ZNF493: variants seen among roughly 807,000 people sequenced by gnomAD.
ZNF493 encodes zinc finger protein 493.
In ZNF493, 11 loss-of-function variants were observed where a neutral mutation model predicts 12.2. That is an observed-to-expected ratio of 0.90 (90% CI 0.57 to 1.50). ZNF493 has a LOEUF of 1.50. Ranked by LOEUF, ZNF493 falls within the 40% of genes most tolerant of loss-of-function variation. The pLI, the probability that ZNF493 is intolerant of heterozygous loss-of-function variation, is 0.00. For synonymous variants in ZNF493, 286 were observed against 302.6 expected, an observed-to-expected ratio of 0.95 and a Z score of 0.57; for missense variants, 950 against 906.6, an observed-to-expected ratio of 1.05 and a Z score of -0.61.
intron 3 of ZNF493, chr19:21,408,549 A>G (rs1474654220): frequency 3.0e-6 from 3 of 984,736 alleles, no homozygotes; most frequent in Non-Finnish European, 2.4e-6. Context: ...TGATGAGTAC[A>G]GTTACAGTCA....
chr19:21,408,558 C>T (rs548268652), intron 3 of ZNF493: 1 of 984,260 alleles, frequency 1.0e-6, no homozygotes, highest in Non-Finnish European at 1.2e-6. Flanking sequence ...CAGTTACAGT[C>T]AAATACTGTA....
At chr19:21,399,924 A>T (rs2029885794) in intron 1 of ZNF493, among the ~76,000 whole-genome samples, 1 of 152,174 alleles carries the variant, frequency 6.6e-6, no homozygotes, top group African/African-American at 2.4e-5. Context: ...TTGACAGTGA[A>T]TATCTCTGTT....
Position 21,424,542 on chromosome 19 carries a change from C to T in ZNF493, c.1883C>T (p.Pro628Leu), listed in dbSNP as rs1315380336. The part of the protein sequence containing the change: ...IHKKIHTGEK[P>L]YKCEECGKAF... Reference sequence around the variant, plus strand: ...AAGAAAATTCATACTGGAGAAAAACCCTACAAATGTGAAGAATGTGGCAAA... The same window carrying T: ...AAGAAAATTCATACTGGAGAAAAACTCTACAAATGTGAAGAATGTGGCAAA... The change falls in exon 4 of 4, where the codon CCC becomes CTC. Residue 628 changes from proline (P) to leucine (L), a missense_variant. Coordinates refer to ENST00000392288, the MANE Select transcript of ZNF493 (RefSeq NM_001076678.3). 6.2e-7 allele frequency: 1 copy of T among 1,613,424 alleles called. No individual in the cohort carries two copies. Among genetic ancestry groups the T allele is most frequent in the African/African-American group, 1.3e-5 (1 of 74,832 alleles).
chr19:21,406,377 G>A (rs10424079), intron 3 of ZNF493, among the ~76,000 whole-genome samples: 26,058 of 151,120 alleles, frequency 0.17, 2,532 homozygotes, highest in Non-Finnish European at 0.22. Flanking sequence ...TTCTCACATA[G>A]GGCCATCTTC....
At chr19:21,420,456 T>C (rs186590865) in intron 3 of ZNF493, among the ~76,000 whole-genome samples, 1 of 150,416 alleles carries the variant, frequency 6.6e-6, no homozygotes, top group Admixed American at 6.6e-5. Flanking sequence ...TTATTTACAT[T>C]GGAAGCAACT....
chr19:21,415,328 A>G (rs2145292976), intron 3 of ZNF493, among the ~76,000 whole-genome samples: 2 of 152,302 alleles, frequency 1.3e-5, no homozygotes, highest in East Asian at 3.9e-4. Flanking sequence ...CTAAGGATAG[A>G]AAACAGATTA....
At chr19:21,410,150 C>G (rs2030277736) in intron 3 of ZNF493, among the ~76,000 whole-genome samples, 1 of 149,726 alleles carries the variant, frequency 6.7e-6, no homozygotes, top group African/African-American at 2.5e-5. Flanking sequence ...AGCCCTTTGG[C>G]TTTTGTGAAT....
In ZNF493 at chr19:21,415,554, AT is replaced by A. The variant is rs1292517954; in HGVS notation, c.254-7355del. Among the ~76,000 whole-genome samples the A allele has an allele frequency of 2.6e-5, 4 of 152,178 alleles. No individual in the cohort carries two copies. In the South Asian group the frequency reaches 6.2e-4, roughly 24 times the overall value. On this transcript the variant is annotated intron_variant, in intron 3 of 3. Transcript: ENST00000392288. ...TAAGTAAACCAGTGCAAGAAATCAAATTTTGCAAGGGATCATAACATTGGAG... is the reference window on the plus strand; with the variant it reads ...TAAGTAAACCAGTGCAAGAAATCAAATTTGCAAGGGATCATAACATTGGAG...
At chr19:21,405,030 A>G in intron 1 of ZNF493, 99 bp from the exon 2 acceptor site, 2 of 1,516,656 alleles carry the variant, frequency 1.3e-6, no homozygotes, top group South Asian at 1.3e-5. Flanking sequence ...GTCAGAACGA[A>G]TTTTCTTTAC....
intron 3 of ZNF493, chr19:21,408,151 G>A: frequency 1.1e-6 from 1 of 944,196 alleles, no homozygotes; most frequent in Non-Finnish European, 1.2e-6. Flanking sequence ...TTTGAGACAG[G>A]AGTCTCGCTC....
At chr19:21,419,041 G>T (rs998401772) in intron 3 of ZNF493, among the ~76,000 whole-genome samples, 5 of 152,200 alleles carry the variant, frequency 3.3e-5, no homozygotes, top group African/African-American at 1.2e-4. Flanking sequence ...GCTTTGCTGA[G>T]TTCTCTGAGT....
chr19:21,409,120 G>C (rs369355389), intron 3 of ZNF493, among the ~76,000 whole-genome samples: 74 of 152,036 alleles, frequency 4.9e-4, no homozygotes, highest in African/African-American at 1.7e-3. Flanking sequence ...TCCTGACCTC[G>C]TGATCTGCCT....
intron 3 of ZNF493, among the ~76,000 whole-genome samples, chr19:21,417,007 GA>G (rs970032448): frequency 2.0e-5 from 3 of 152,160 alleles, no homozygotes; most frequent in Non-Finnish European, 4.4e-5. Context: ...TGTGGCGGGG[GA>G]CAGACATTGT....
At position 21,425,396 on chromosome 19, in the gene ZNF493, C is replaced by A; in HGVS notation, c.*412C>A. ...TCAAAGCTTTTTACTGATTCTTATA[C>A]CTTACTAAACATAAAATAATTCATA... On this transcript the variant is annotated 3_prime_UTR_variant, in exon 4 of 4. Coordinates refer to ENST00000392288, the MANE Select transcript of ZNF493 (RefSeq NM_001076678.3). 2 of 423,564 alleles carry A rather than the reference C, an allele frequency of 4.7e-6. 1 individual carries two copies. Among genetic ancestry groups the A allele is most frequent in the South Asian group, 4.5e-5 (2 of 44,514 alleles). 26.2% of individuals were successfully genotyped at this position (423,564 alleles called of 1,614,324 possible). A position where few individuals can be genotyped will look rare whatever the true frequency, so the allele number is the denominator to read the frequency against.
intron 3 of ZNF493, 117 bp from the exon 4 acceptor site, chr19:21,422,796 G>T: frequency 2.4e-6 from 2 of 840,962 alleles, no homozygotes; most frequent in Non-Finnish European, 3.5e-6. Flanking sequence ...TAGAGCCTTT[G>T]GTATTTTGCT....
chr19:21,409,802 C>T (rs2030261350), intron 3 of ZNF493, among the ~76,000 whole-genome samples: 1 of 152,020 alleles, frequency 6.6e-6, no homozygotes, highest in African/African-American at 2.4e-5. Context: ...ATGCAAAAGA[C>T]TTCTAAAAGT....
At chr19:21,409,162 A>G (rs4381722) in intron 3 of ZNF493, among the ~76,000 whole-genome samples, 143,202 of 152,102 alleles carry the variant, frequency 0.94, 67,647 homozygotes, top group Middle Eastern at 1. Context: ...GGGATCAGAG[A>G]TGTGAGCCAC....
chr19:21,424,584 C>T lies in ZNF493; in HGVS notation c.1925C>T (p.Ser642Leu). The change falls in exon 4 of 4, where the codon TCA becomes TTA. Residue 642 changes from serine (S) to leucine (L), a missense_variant. Physicochemically the swap from Ser to Leu is moderately radical, Grantham distance 145. Coordinates refer to ENST00000392288, the MANE Select transcript of ZNF493 (RefSeq NM_001076678.3). ...TGTGGCAAAGCTTTTAAGCGGTCCT[C>T]ACACCTCGCTGGGCACAAGCAAATT... ...EECGKAFKRSSHLAGHKQIHS... is the reference protein window; with the variant it reads ...EECGKAFKRSLHLAGHKQIHS... 1 of 1,609,750 alleles carries T rather than the reference C, an allele frequency of 6.2e-7. No homozygotes were observed. Among genetic ancestry groups the T allele is most frequent in the Non-Finnish European group, 8.5e-7 (1 of 1,178,522 alleles).
intron 3 of ZNF493, among the ~76,000 whole-genome samples, chr19:21,417,104 C>T (rs1196181304): frequency 6.6e-6 from 1 of 152,322 alleles, no homozygotes; most frequent in African/African-American, 2.4e-5. Flanking sequence ...TTCCCAAAAT[C>T]AGGTTCCCAT....
Sources: gnomAD v4.1 joint callset for allele counts (sites outside exome capture counted in the v4.1 genomes callset) on GRCh38, gnomAD v4.1.1 for gene constraint, MANE v1.5 for transcripts, NCBI Gene and HGNC (gene_info 2026-07-23, HGNC 2026-07-21) for gene names.